The following KIRREL3 variants were observed in gnomAD, a reference collection of about 807,000 sequenced individuals.
The protein encoded by KIRREL3 is kirre like nephrin family adhesion molecule 3.
A neutral mutation model predicts 89.7 loss-of-function variants in KIRREL3; 36 were observed. The observed-to-expected ratio is 0.40, with a 90% CI of 0.31 to 0.53. The LOEUF (loss-of-function observed/expected upper bound fraction) is 0.53, where lower values mean the gene tolerates loss of function less well. KIRREL3 is among the 20% of genes least tolerant of loss of function. The pLI, the probability that KIRREL3 is intolerant of heterozygous loss-of-function variation, is 0.49. For missense variants in KIRREL3, 864 were observed against 1,056.6 expected (o/e 0.82, Z 2.53); for synonymous variants, 445 against 441.4 (o/e 1.01, Z -0.10).
chr11:126,737,071 A>C (rs542749823), intron 1 of KIRREL3, among the ~76,000 whole-genome samples: 1 of 152,300 alleles, frequency 6.6e-6, no homozygotes, highest in African/African-American at 2.4e-5. Flanking sequence ...CCGGTTGATA[A>C]TTTTCTAATG....
chr11:126,797,534 T>G lies in KIRREL3; in HGVS notation c.55+202921A>C, dbSNP rs1336849709. 6.6e-6 allele frequency among the ~76,000 whole-genome samples: 1 copy of G among 152,050 alleles called. No homozygotes were observed. Among genetic ancestry groups the G allele is most frequent in the African/African-American group, 2.4e-5 (1 of 41,400 alleles). ...TCCCATGGTGATCCCCAGAAGAAGC[T>G]CTGAGGGGGCACTAGAGTTTTATTA... On this transcript the variant is annotated intron_variant, in intron 1 of 16. Coordinates refer to ENST00000525144, the MANE Select transcript of KIRREL3 (RefSeq NM_032531.4). This position sits in a 1 kb window ranked among gnomAD's most constrained non-coding sequence, Gnocchi z 4.9.
chr11:126,540,522 G>C (rs1433655171), intron 2 of KIRREL3, among the ~76,000 whole-genome samples: 1 of 152,246 alleles, frequency 6.6e-6, no homozygotes. Context: ...GGCAGGGTGA[G>C]TCCAAAGTCA....
At chr11:126,984,056 G>A (rs1009226421) in intron 1 of KIRREL3, among the ~76,000 whole-genome samples, 1 of 152,010 alleles carries the variant, frequency 6.6e-6, no homozygotes, top group African/African-American at 2.4e-5. Context: ...AAACTTGCAC[G>A]CCCAGAAAGC....
intron 1 of KIRREL3, among the ~76,000 whole-genome samples, chr11:126,974,861 A>G (rs1230992091): frequency 6.6e-6 from 1 of 152,092 alleles, no homozygotes; most frequent in Admixed American, 6.5e-5. Flanking sequence ...GTGCACCACC[A>G]TGCCTGGCTA....
intron 1 of KIRREL3, among the ~76,000 whole-genome samples, chr11:126,974,356 ACTTTGT>A (rs1267538229): frequency 6.6e-6 from 1 of 152,190 alleles, no homozygotes; most frequent in Middle Eastern, 3.4e-3. Flanking sequence ...TTGTTAGGGG[ACTTTGT>A]CTTTGTGTAA....
chr11:126,680,585 C>T (rs1285164308), intron 1 of KIRREL3, among the ~76,000 whole-genome samples: 1 of 152,030 alleles, frequency 6.6e-6, no homozygotes, highest in South Asian at 2.1e-4. Context: ...TAAACATATG[C>T]AAGGACTGGG....
chr11:126,749,751 G>A (rs1334567843), intron 1 of KIRREL3, among the ~76,000 whole-genome samples: 1 of 152,164 alleles, frequency 6.6e-6, no homozygotes, highest in Non-Finnish European at 1.5e-5. Flanking sequence ...TGAGGAAGGT[G>A]AAAGTGACTG....
intron 1 of KIRREL3, among the ~76,000 whole-genome samples, chr11:126,871,161 G>A (rs913755494): frequency 5.3e-5 from 8 of 152,196 alleles, no homozygotes; most frequent in Admixed American, 5.2e-4. Flanking sequence ...AGCATGCCGA[G>A]GACACTGCCG....
intron 1 of KIRREL3, among the ~76,000 whole-genome samples, chr11:126,859,671 T>C (rs1157328896): frequency 6.6e-6 from 1 of 152,226 alleles, no homozygotes; most frequent in Non-Finnish European, 1.5e-5. Flanking sequence ...AAGGTAAAAC[T>C]ACACCTCAAC....
chr11:126,657,987 A>G, intron 1 of KIRREL3, among the ~76,000 whole-genome samples: 1 of 152,180 alleles, frequency 6.6e-6, no homozygotes, highest in Non-Finnish European at 1.5e-5. Context: ...TTTCACAGAG[A>G]AGATGGCATT....
rs575205123 is a variant in KIRREL3 at position 126,463,781 on chromosome 11, G to A, written c.592-474C>T. ...AGGAGGCACAGTTTGGGGAATGGGA[G>A]TCAGAGTGGGTGGGGATATGGGCAG... On this transcript the variant is annotated intron_variant, in intron 5 of 16. Coordinates refer to ENST00000525144, the MANE Select transcript of KIRREL3 (RefSeq NM_032531.4). This position sits in a 1 kb window ranked among gnomAD's most constrained non-coding sequence, Gnocchi z 5.9. 1.3e-5 allele frequency among the ~76,000 whole-genome samples: 2 copies of A among 152,300 alleles called. No individual in the cohort carries two copies. The highest frequency in any genetic ancestry group is 3.4e-3 in the Middle Eastern group (1 of 294).
At chr11:126,467,377 G>A (rs151031162) in intron 5 of KIRREL3, among the ~76,000 whole-genome samples, 22 of 152,296 alleles carry the variant, frequency 1.4e-4, no homozygotes, top group African/African-American at 4.6e-4. Flanking sequence ...TTCCTGCTTG[G>A]GTGGCAGTGG....
chr11:126,745,307 G>C (rs536749724), intron 1 of KIRREL3, among the ~76,000 whole-genome samples: 1 of 152,044 alleles, frequency 6.6e-6, no homozygotes, highest in African/African-American at 2.4e-5. Context: ...AATTCAAAAC[G>C]GTGGAGGGAG....
chr11:126,714,573 A>G (rs1179806972), intron 1 of KIRREL3, among the ~76,000 whole-genome samples: 1 of 152,190 alleles, frequency 6.6e-6, no homozygotes, highest in Non-Finnish European at 1.5e-5. Context: ...CCCTCTACAC[A>G]TGATAGGTAT....
chr11:126,856,324 A>C (rs2134589859), intron 1 of KIRREL3, among the ~76,000 whole-genome samples: 1 of 152,260 alleles, frequency 6.6e-6, no homozygotes, highest in African/African-American at 2.4e-5. Context: ...GGAACGGGGA[A>C]CAAGTGAAGA....
chr11:126,873,064 T>C (rs1945160953), intron 1 of KIRREL3, among the ~76,000 whole-genome samples: 1 of 152,240 alleles, frequency 6.6e-6, no homozygotes, highest in Admixed American at 6.5e-5. Flanking sequence ...GCCAAAGAAC[T>C]TTGATATAAA....
rs1025080697 is a variant in KIRREL3 at position 126,767,675 on chromosome 11, T to C, written c.56-204763A>G. Among the ~76,000 whole-genome samples, 7 of 152,294 alleles carry C rather than the reference T, an allele frequency of 4.6e-5. No homozygotes were observed. The East Asian group carries it at 1.2e-3, about 25-fold the overall frequency. On this transcript the variant is annotated intron_variant, in intron 1 of 16. Transcript: ENST00000525144. ...TCCTTCCTTTTACTCTTTTAAGGAA[T>C]CCCCTCAGACATTAAATCAGTCAGC...
intron 1 of KIRREL3, among the ~76,000 whole-genome samples, chr11:126,922,932 C>T (rs1414279164): frequency 6.6e-6 from 1 of 152,208 alleles, no homozygotes; most frequent in Non-Finnish European, 1.5e-5. Context: ...CGAAGGGCCT[C>T]ATGACTCTGA....
In KIRREL3 at chr11:126,755,716, ATG is replaced by A. The variant is rs1425953531; in HGVS notation, c.56-192806_56-192805del. On this transcript the variant is annotated intron_variant, in intron 1 of 16. Coordinates refer to ENST00000525144, the MANE Select transcript of KIRREL3 (RefSeq NM_032531.4). This position sits in a 1 kb window ranked among gnomAD's most constrained non-coding sequence, Gnocchi z 4.3. ...TCTAATTCCAGCTCTCCTTGTCAGA[ATG>A]TGTCTTCCTGCCAGCTTCAAGCAAC... Among the ~76,000 whole-genome samples the A allele has an allele frequency of 6.6e-6, 1 of 152,010 alleles. No individual in the cohort carries two copies. The highest frequency in any genetic ancestry group is 1.5e-5 in the Non-Finnish European group (1 of 68,004).
Sources: gnomAD v4.1 joint callset for allele counts (sites outside exome capture counted in the v4.1 genomes callset) on GRCh38, gnomAD v4.1.1 for gene constraint, Gnocchi (gnomAD v3.1) non-coding constraint, MANE v1.5 for transcripts, NCBI Gene and HGNC (gene_info 2026-07-23, HGNC 2026-07-21) for gene names.